CDYL: variants seen among roughly 807,000 people sequenced by gnomAD.
CDYL encodes the protein chromodomain Y-like protein.
In CDYL, 8 loss-of-function variants were observed where a neutral mutation model predicts 47.3. The ratio of observed to expected loss-of-function variants is 0.17; its 90% CI spans 0.10 to 0.31. The LOEUF is 0.31. Among genes scored for constraint, CDYL ranks in the 10% least tolerant of loss-of-function variants. The pLI, the probability that CDYL is intolerant of heterozygous loss-of-function variation, is 1.00. For synonymous variants in CDYL, 266 were observed against 265.0 expected (o/e 1.00, Z -0.04); for missense variants, 471 against 701.4 (o/e 0.67, Z 3.71).
chr6:4,765,356 AT>A (rs775134651), intron 3 of CDYL, among the ~76,000 whole-genome samples: 2 of 152,070 alleles, frequency 1.3e-5, no homozygotes, highest in Non-Finnish European at 2.9e-5. Flanking sequence ...TAACTAGAAA[AT>A]CCTTATTTTT....
intron 1 of CDYL, among the ~76,000 whole-genome samples, chr6:4,815,154 A>T (rs955260987): frequency 2.0e-5 from 3 of 152,194 alleles, no homozygotes; most frequent in African/African-American, 7.2e-5. Context: ...TGGAAATAGG[A>T]TATGTCTGTG....
chr6:4,872,000 A>T (rs1231553759), intron 1 of CDYL, among the ~76,000 whole-genome samples: 1 of 152,144 alleles, frequency 6.6e-6, no homozygotes, highest in Non-Finnish European at 1.5e-5. Context: ...GAGCTGTTGT[A>T]TTCTGGTTCC....
intron 1 of CDYL, among the ~76,000 whole-genome samples, chr6:4,792,524 C>A: frequency 6.6e-6 from 1 of 151,812 alleles, no homozygotes; most frequent in East Asian, 1.9e-4. Flanking sequence ...CTCCACCTCC[C>A]TGTTAAAGTG....
intron 2 of CDYL, among the ~76,000 whole-genome samples, chr6:4,900,623 A>G (rs955284587): frequency 6.6e-6 from 1 of 151,754 alleles, no homozygotes; most frequent in Admixed American, 6.6e-5. Context: ...TTGTGAGTAC[A>G]TATTTACCTA....
intron 1 of CDYL, among the ~76,000 whole-genome samples, chr6:4,831,376 A>G (rs1354976785): frequency 6.6e-6 from 1 of 152,170 alleles, no homozygotes; most frequent in African/African-American, 2.4e-5. Flanking sequence ...TTTGTCAAAG[A>G]TCAGATAGTT....
At chr6:4,883,669 G>A (rs1286978266) in intron 1 of CDYL, among the ~76,000 whole-genome samples, 1 of 152,198 alleles carries the variant, frequency 6.6e-6, no homozygotes, top group Non-Finnish European at 1.5e-5. Flanking sequence ...AAGAGCCATA[G>A]CCATCTAGAA....
At chr6:4,708,828 G>A (rs778154123) in intron 1 of CDYL, among the ~76,000 whole-genome samples, 4 of 151,930 alleles carry the variant, frequency 2.6e-5, no homozygotes, top group African/African-American at 7.3e-5. Flanking sequence ...AGACCAGCCC[G>A]GCCAACATGG....
intron 1 of CDYL, among the ~76,000 whole-genome samples, chr6:4,814,836 G>A (rs1759625861): frequency 6.6e-6 from 1 of 152,166 alleles, no homozygotes; most frequent in African/African-American, 2.4e-5. Flanking sequence ...ATTTAGGATT[G>A]AGAATAGATC....
At chr6:4,870,405 A>G (rs1761440306) in intron 1 of CDYL, among the ~76,000 whole-genome samples, 1 of 152,194 alleles carries the variant, frequency 6.6e-6, no homozygotes, top group Admixed American at 6.5e-5. Context: ...TGTATAAATT[A>G]TGAATTATTG....
intron 3 of CDYL, among the ~76,000 whole-genome samples, chr6:4,755,323 G>A (rs1308698485): frequency 6.6e-6 from 1 of 151,370 alleles, no homozygotes; most frequent in Non-Finnish European, 1.5e-5. Context: ...CACCTGCCTC[G>A]GCCTCCCAAA....
At chr6:4,750,855 C>CTT (rs1445301601) in intron 3 of CDYL, among the ~76,000 whole-genome samples, 1,354 of 134,424 alleles carry the variant, frequency 0.01, 23 homozygotes, top group African/African-American at 0.032. Flanking sequence ...TTTTTCTTTT[C>CTT]TTTTTTTTTT....
At chr6:4,930,020 T>G (rs576687323) in intron 2 of CDYL, among the ~76,000 whole-genome samples, 5 of 152,342 alleles carry the variant, frequency 3.3e-5, no homozygotes, top group South Asian at 2.1e-4. Flanking sequence ...ACAGCTTACT[T>G]TGAAGCTTTG....
At chr6:4,839,280 T>C (rs1228236436) in intron 1 of CDYL, among the ~76,000 whole-genome samples, 1 of 152,248 alleles carries the variant, frequency 6.6e-6, no homozygotes, top group African/African-American at 2.4e-5. Flanking sequence ...GTTTTTTTCT[T>C]GCTGATTTGT....
At chr6:4,764,863 A>G (rs887060194) in intron 3 of CDYL, among the ~76,000 whole-genome samples, 3 of 105,220 alleles carry the variant, frequency 2.9e-5, no homozygotes, top group East Asian at 2.4e-4. Flanking sequence ...ACACACACAC[A>G]TATATATAAT....
intron 1 of CDYL, among the ~76,000 whole-genome samples, chr6:4,710,193 G>A (rs1757122781): frequency 6.6e-6 from 1 of 152,150 alleles, no homozygotes; most frequent in Non-Finnish European, 1.5e-5. Flanking sequence ...TTGCACTCTA[G>A]CTTGGGCAAC....
intron 6 of CDYL, 90 bp from the exon 7 acceptor site, chr6:4,953,808 T>G: frequency 8.0e-7 from 1 of 1,250,030 alleles, no homozygotes; most frequent in South Asian, 1.5e-5. Flanking sequence ...TTGCTGGAAT[T>G]TGATGATTGC....
At chr6:4,773,687 C>CT (rs750652735), upstream of CDYL, among the ~76,000 whole-genome samples, 1 of 152,154 alleles carries the variant, frequency 6.6e-6, no homozygotes. The surrounding 1 kb of genome is among the most constrained non-coding windows in gnomAD (Gnocchi z 4.6). Flanking sequence ...TTCTCAGTCG[C>CT]TAGGTGGATA....
intron 2 of CDYL, among the ~76,000 whole-genome samples, chr6:4,895,015 ATATG>A (rs575939149): frequency 8.8e-4 from 134 of 151,814 alleles, no homozygotes; most frequent in African/African-American, 1.9e-3. Context: ...GTTTATACAT[ATATG>A]TATGTATGTG....
chr6:4,766,032 TAAAGAA>T (rs1388353629), intron 3 of CDYL, among the ~76,000 whole-genome samples: 25 of 151,972 alleles, frequency 1.6e-4, no homozygotes, highest in Non-Finnish European at 3.1e-4. Flanking sequence ...GCAGGACTGA[TAAAGAA>T]CAAGGAGAGA....
Sources: allele counts gnomAD v4.1 joint callset (sites outside exome capture counted in the v4.1 genomes callset), GRCh38; gene constraint gnomAD v4.1.1; non-coding constraint Gnocchi (gnomAD v3.1); transcripts MANE v1.5; gene names NCBI Gene and HGNC (gene_info 2026-07-23, HGNC 2026-07-21).